The following ZNF79 variants were observed in gnomAD, a reference collection of about 807,000 sequenced individuals.
ZNF79 encodes ZNFpT7.
Under a neutral mutation model 14.9 loss-of-function variants are expected in ZNF79, and 13 were observed. That is an observed-to-expected ratio of 0.87 (90% CI 0.57 to 1.38). The LOEUF (loss-of-function observed/expected upper bound fraction) is 1.38. ZNF79 is among the 40% of genes most tolerant of loss of function. ZNF79 has a pLI of 0.00. For missense variants in ZNF79, 631 were observed against 630.6 expected, an observed-to-expected ratio of 1.00 and a Z score of -0.01; for synonymous variants, 223 against 235.1, an observed-to-expected ratio of 0.95 and a Z score of 0.47.
At chr9:127,427,757 C>T (rs563607243) in intron 1 of ZNF79, among the ~76,000 whole-genome samples, 4 of 152,184 alleles carry the variant, frequency 2.6e-5, no homozygotes, top group South Asian at 2.1e-4. Context: ...AGGCTGATCT[C>T]GAACTCTTGG....
At chr9:127,437,060 T>TAAAAAAAAAA (rs769977106) in intron 4 of ZNF79, among the ~76,000 whole-genome samples, 1 of 123,800 alleles carries the variant, frequency 8.1e-6, no homozygotes, top group Non-Finnish European at 1.7e-5. Context: ...AACTCTGTCT[T>TAAAAAAAAAA]AAAAAAAAAA....
intron 1 of ZNF79, among the ~76,000 whole-genome samples, chr9:127,427,893 T>C (rs559690183): frequency 8.5e-5 from 13 of 152,354 alleles, no homozygotes; most frequent in Admixed American, 6.5e-4. Context: ...TTTTCTCTTT[T>C]GCTGCTTGTG....
intron 2 of ZNF79, among the ~76,000 whole-genome samples, chr9:127,432,234 G>A (rs1013038311): frequency 3.4e-5 from 5 of 148,316 alleles, no homozygotes; most frequent in East Asian, 2.0e-4. Flanking sequence ...TGCAAGCTCC[G>A]CCTCCCGGGT....
rs1420490182 is a variant in ZNF79 at position 127,444,761 on chromosome 9, T to G, written c.1061T>G (p.Ile354Ser). The change falls in exon 5 of 5, where the codon ATT becomes AGT. Residue 354 changes from isoleucine to serine, a missense_variant. Coordinates refer to ENST00000342483, the MANE Select transcript of ZNF79 (RefSeq NM_007135.3). The stretch of plus-strand genomic sequence containing the variant: ...GCAGCGTTCATTCAGCACCAGAGGA[T>G]TCACACCGGGGAGAAGCCCTACAGA... Reference protein sequence around the residue: ...YCAAFIQHQRIHTGEKPYRCA... With the variant: ...YCAAFIQHQRSHTGEKPYRCA... The G allele has an allele frequency of 6.2e-7, 1 of 1,600,886 alleles. No homozygotes were observed.
At chr9:127,424,834 G>T in intron 1 of ZNF79, 31 bp downstream of exon 1, 1 of 1,613,376 alleles carries the variant, frequency 6.2e-7, no homozygotes, top group South Asian at 1.1e-5. Context: ...CGATTGTCAA[G>T]AGATCGGCTG....
intron 4 of ZNF79, among the ~76,000 whole-genome samples, chr9:127,440,127 G>C (rs1834025003): frequency 1.3e-5 from 2 of 152,210 alleles, no homozygotes; most frequent in South Asian, 4.1e-4. Flanking sequence ...CTCCCAAAGT[G>C]CTGGGATTAC....
intron 4 of ZNF79, among the ~76,000 whole-genome samples, chr9:127,437,701 G>T (rs886698100): frequency 6.6e-6 from 1 of 151,328 alleles, no homozygotes; most frequent in African/African-American, 2.4e-5. Flanking sequence ...GTGGTTGCCC[G>T]CAATCTTCGG....
chr9:127,444,997 A>G lies in ZNF79; in HGVS notation c.1297A>G (p.Ile433Val). ...ATTCTTCAGTGAGAGCTCAGCCCTC[A>G]TTCGGCATCATATAATCCACACCGG... The part of the protein sequence containing the change: ...GKFFSESSAL[I>V]RHHIIHTGEK... The change falls in exon 5 of 5, where the codon ATT becomes GTT. Residue 433 changes from isoleucine (I) to valine (V), a missense_variant. Coordinates refer to ENST00000342483, the MANE Select transcript of ZNF79 (RefSeq NM_007135.3). The G allele has an allele frequency of 6.2e-7, 1 of 1,614,242 alleles. No individual in the cohort carries two copies. Among genetic ancestry groups the G allele is most frequent in the Non-Finnish European group, 8.5e-7 (1 of 1,180,040 alleles).
At chr9:127,441,854 A>G (rs1418659478) in intron 4 of ZNF79, among the ~76,000 whole-genome samples, 2 of 151,894 alleles carry the variant, frequency 1.3e-5, no homozygotes, top group Admixed American at 1.3e-4. Flanking sequence ...CTGAGGCAGG[A>G]GAATGGCATG....
chr9:127,444,048 A>G lies in ZNF79; in HGVS notation c.348A>G (p.Gly116=), dbSNP rs148448192. The part of the protein sequence containing the change: ...SPSPGWKIIS[G]SPPEQALSEA... ...TTTCAGGCTGGAAGATTATATCTGG[A>G]TCACCACCAGAGCAAGCCCTTTCTG... is the stretch of plus-strand genomic sequence containing the variant. The change falls in exon 5 of 5, where the codon GGA becomes GGG. Residue 116 remains glycine, a synonymous_variant. Coordinates refer to ENST00000342483, the MANE Select transcript of ZNF79 (RefSeq NM_007135.3). 1.5e-4 allele frequency: 237 copies of G among 1,592,282 alleles called. No homozygotes were observed. Among genetic ancestry groups the G allele is most frequent in the African/African-American group, 5.9e-4 (44 of 73,984 alleles).
intron 4 of ZNF79, among the ~76,000 whole-genome samples, chr9:127,441,487 C>T (rs1834046484): frequency 6.6e-6 from 1 of 152,188 alleles, no homozygotes; most frequent in South Asian, 2.1e-4. Flanking sequence ...GATTTGAACC[C>T]AGCCAGTCTG....
chr9:127,426,119 T>TA (rs1833748534), intron 1 of ZNF79, among the ~76,000 whole-genome samples: 1 of 152,222 alleles, frequency 6.6e-6, no homozygotes, highest in Admixed American at 6.5e-5. Context: ...TTTATTCAGA[T>TA]ATCATTCACA....
intron 4 of ZNF79, among the ~76,000 whole-genome samples, chr9:127,442,127 G>A (rs1703345920): frequency 1.3e-5 from 2 of 150,188 alleles, no homozygotes; most frequent in South Asian, 4.2e-4. Context: ...TAGGCCGGGT[G>A]TGCTAGCTCA....
chr9:127,439,775 A>C (rs1382029913), intron 4 of ZNF79, among the ~76,000 whole-genome samples: 1 of 152,266 alleles, frequency 6.6e-6, no homozygotes, highest in East Asian at 1.9e-4. Flanking sequence ...TGCCATGGGT[A>C]ATATGTATTC....
chr9:127,435,775 G>GT, intron 3 of ZNF79, 133 bp from the exon 4 acceptor site: 1 of 731,792 alleles, frequency 1.4e-6, no homozygotes, highest in East Asian at 2.5e-5. Context: ...TAGGCACTAA[G>GT]TAAGAGCTCA....
At chr9:127,439,196 C>G (rs1834004909) in intron 4 of ZNF79, among the ~76,000 whole-genome samples, 2 of 151,594 alleles carry the variant, frequency 1.3e-5, no homozygotes, top group African/African-American at 4.8e-5. Context: ...CACACACACA[C>G]ACACACACAA....
At chr9:127,437,431 T>A (rs1457853410) in intron 4 of ZNF79, among the ~76,000 whole-genome samples, 1 of 151,908 alleles carries the variant, frequency 6.6e-6, no homozygotes, top group African/African-American at 2.4e-5. Flanking sequence ...AGAGCAGTGT[T>A]TAGTGGCGAG....
chr9:127,437,041 CAA>C (rs575033007), intron 4 of ZNF79, among the ~76,000 whole-genome samples: 30 of 119,988 alleles, frequency 2.5e-4, no homozygotes, highest in Non-Finnish European at 4.2e-4. Flanking sequence ...GCCTGGGTGA[CAA>C]GAGTGAAACT....
At position 127,435,898 on chromosome 9, in the gene ZNF79, C is replaced by T. The variant is rs143127319; in HGVS notation, c.233-10C>T. 1,161 of 1,612,776 alleles carry T rather than the reference C, an allele frequency of 7.2e-4. 18 individuals are homozygous for T. The East Asian group carries it at 0.024, about 34-fold the overall frequency. On this transcript the variant is annotated splice_polypyrimidine_tract_variant and intron_variant, in intron 3 of 4. Coordinates refer to ENST00000342483, the MANE Select transcript of ZNF79 (RefSeq NM_007135.3). Reference sequence around the variant, plus strand: ...ACAATTTCTAAAGCCTGTTTTTTCCCGTTGAATAGGACTTCCAGTTTCCCA... The same window carrying T: ...ACAATTTCTAAAGCCTGTTTTTTCCTGTTGAATAGGACTTCCAGTTTCCCA...
Sources: allele counts gnomAD v4.1 joint callset (sites outside exome capture counted in the v4.1 genomes callset), GRCh38; gene constraint gnomAD v4.1.1; transcripts MANE v1.5; gene names NCBI Gene and HGNC (gene_info 2026-07-23, HGNC 2026-07-21).